The following CABLES1 variants were observed in gnomAD, a reference collection of about 807,000 sequenced individuals.
The protein encoded by CABLES1 is Cdk5 and Abl enzyme substrate 1.
A neutral mutation model predicts 57.8 loss-of-function variants in CABLES1; 36 were observed. The ratio of observed to expected loss-of-function variants is 0.62; its 90% CI spans 0.48 to 0.82. The LOEUF (loss-of-function observed/expected upper bound fraction) is 0.82. CABLES1 is among the 40% of genes least tolerant of loss of function. CABLES1 has a pLI of 0.00. For missense variants in CABLES1, 767 were observed against 836.6 expected, an observed-to-expected ratio of 0.92 and a Z score of 1.03; for synonymous variants, 374 against 363.0, an observed-to-expected ratio of 1.03 and a Z score of -0.35.
Position 23,137,110 on chromosome 18 carries a change from G to T in CABLES1, c.845+503G>T, listed in dbSNP as rs559687376. ...GCTCCAAGTCTTCTTGCGGCCCGGG[G>T]AAACTTGGCTTTTTCCATTTGCTTT... On this transcript the variant is annotated intron_variant, in intron 1 of 9. Coordinates refer to ENST00000256925, the MANE Select transcript of CABLES1 (RefSeq NM_001100619.3). Among the ~76,000 whole-genome samples the T allele has an allele frequency of 4.6e-5, 7 of 152,370 alleles. No individual in the cohort carries two copies. In the South Asian group the frequency reaches 1.5e-3, roughly 32 times the overall value.
At chr18:23,151,844 A>G (rs553765848) in intron 1 of CABLES1, among the ~76,000 whole-genome samples, 1 of 152,328 alleles carries the variant, frequency 6.6e-6, no homozygotes, top group African/African-American at 2.4e-5. Context: ...CAGGAGGAGC[A>G]GCGGGTTTGA....
chr18:23,140,869 G>A (rs1479465445), intron 1 of CABLES1, among the ~76,000 whole-genome samples: 1 of 152,210 alleles, frequency 6.6e-6, no homozygotes, highest in African/African-American at 2.4e-5. Flanking sequence ...TGTGACAGCC[G>A]TTTGACCCCG....
chr18:23,193,376 G>T (rs1317073727), intron 2 of CABLES1, among the ~76,000 whole-genome samples: 8 of 152,090 alleles, frequency 5.3e-5, no homozygotes, highest in Non-Finnish European at 1.0e-4. Context: ...ATTTTTAGTA[G>T]AGACGGGGTT....
intron 1 of CABLES1, among the ~76,000 whole-genome samples, chr18:23,148,920 GCT>G (rs775013678): frequency 5.3e-5 from 8 of 152,232 alleles, no homozygotes; most frequent in Admixed American, 2.6e-4. Flanking sequence ...ATGGAGTCTT[GCT>G]CTCTCTGCCC....
chr18:23,194,589 G>C (rs1388402574), intron 3 of CABLES1, 49 bp downstream of exon 3: 2 of 1,247,388 alleles, frequency 1.6e-6, no homozygotes, highest in East Asian at 2.3e-5. Flanking sequence ...GGTGGAGACA[G>C]GGACTGGAGG....
intron 2 of CABLES1, among the ~76,000 whole-genome samples, chr18:23,193,529 G>C (rs2047260952): frequency 6.6e-6 from 1 of 152,164 alleles, no homozygotes; most frequent in Non-Finnish European, 1.5e-5. Flanking sequence ...CAGGTCACAG[G>C]CACCCATGTC....
At chr18:23,227,799 T>G (rs1321051857) in intron 4 of CABLES1, among the ~76,000 whole-genome samples, 1 of 152,252 alleles carries the variant, frequency 6.6e-6, no homozygotes, top group Non-Finnish European at 1.5e-5. Flanking sequence ...AGGCTTTGCT[T>G]TAGGTGCAGG....
chr18:23,218,255 C>G (rs1236846564), intron 4 of CABLES1, among the ~76,000 whole-genome samples: 1 of 150,996 alleles, frequency 6.6e-6, no homozygotes, highest in African/African-American at 2.5e-5. Flanking sequence ...AGCCCTGCCT[C>G]CCACATCCTC....
intron 7 of CABLES1, among the ~76,000 whole-genome samples, chr18:23,252,462 C>T (rs1270039907): frequency 6.6e-6 from 1 of 152,216 alleles, no homozygotes. Context: ...CTGTACAGGG[C>T]ACTTCTCATA....
In CABLES1 at chr18:23,235,972, T is replaced by C; in HGVS notation, c.1263T>C (p.Ser421=). The C allele has an allele frequency of 6.2e-7, 1 of 1,614,238 alleles. No homozygotes were observed. Among genetic ancestry groups the C allele is most frequent in the South Asian group, 1.1e-5 (1 of 91,092 alleles). The change falls in exon 6 of 10, where the codon TCT becomes TCC. Residue 421 remains serine, a synonymous_variant. Transcript: ENST00000256925. ...GAAATACCATAGACTCCACCTCCTCTTTCTCCCAGTTCCGTAACCTGAGCC... is the reference window on the plus strand; with the variant it reads ...GAAATACCATAGACTCCACCTCCTCCTTCTCCCAGTTCCGTAACCTGAGCC... ...ARRNTIDSTS[S]FSQFRNLSHR... is the part of the protein sequence containing the mutation.
intron 4 of CABLES1, among the ~76,000 whole-genome samples, chr18:23,222,940 C>T (rs940823942): frequency 3.3e-5 from 5 of 152,214 alleles, no homozygotes; most frequent in Non-Finnish European, 7.3e-5. Flanking sequence ...CAGCGAGGCC[C>T]CTCCCACCCA....
chr18:23,138,698 C>T (rs1044518848), intron 1 of CABLES1, among the ~76,000 whole-genome samples: 4 of 152,314 alleles, frequency 2.6e-5, no homozygotes, highest in Admixed American at 2.0e-4. Flanking sequence ...GAATAAGGCC[C>T]GAGGCCAGCT....
chr18:23,238,113 C>T (rs981810559), intron 7 of CABLES1, among the ~76,000 whole-genome samples: 2 of 152,260 alleles, frequency 1.3e-5, no homozygotes, highest in African/African-American at 4.8e-5. Context: ...TCCCTCCCTC[C>T]TGTGCTCCCA....
chr18:23,257,493 G>T lies in CABLES1; in HGVS notation c.*126G>T. 2 of 1,123,868 alleles carry T rather than the reference G, an allele frequency of 1.8e-6. No homozygotes were observed. The highest frequency in any genetic ancestry group is 3.5e-5 in the South Asian group (2 of 56,652). 69.6% of individuals were successfully genotyped at this position (1,123,868 alleles called of 1,614,324 possible). Reference sequence around the variant, plus strand: ...ACTTTTCTTCCTCTCGACATAGTTTGGGGAGAAGCAGTACTAGAAACTTTC... The same window carrying T: ...ACTTTTCTTCCTCTCGACATAGTTTTGGGAGAAGCAGTACTAGAAACTTTC... On this transcript the variant is annotated 3_prime_UTR_variant, in exon 10 of 10. Coordinates refer to ENST00000256925, the MANE Select transcript of CABLES1 (RefSeq NM_001100619.3).
At chr18:23,232,941 C>T (rs770842536) in intron 4 of CABLES1, among the ~76,000 whole-genome samples, 2 of 152,168 alleles carry the variant, frequency 1.3e-5, no homozygotes, top group Non-Finnish European at 2.9e-5. Context: ...GCTCCCTCCT[C>T]TCTTCTTACC....
intron 7 of CABLES1, among the ~76,000 whole-genome samples, chr18:23,249,319 G>A (rs2047981434): frequency 6.6e-6 from 1 of 152,258 alleles, no homozygotes; most frequent in Non-Finnish European, 1.5e-5. Flanking sequence ...TAATAGAGTA[G>A]AATGGAGGCG....
At chr18:23,222,301 C>T (rs921301262) in intron 4 of CABLES1, among the ~76,000 whole-genome samples, 3 of 152,056 alleles carry the variant, frequency 2.0e-5, no homozygotes, top group Admixed American at 6.5e-5. Context: ...TCCCCCACCC[C>T]CAGCTCCACT....
At chr18:23,140,922 T>C (rs1181753534) in intron 1 of CABLES1, among the ~76,000 whole-genome samples, 1 of 152,228 alleles carries the variant, frequency 6.6e-6, no homozygotes, top group Non-Finnish European at 1.5e-5. Flanking sequence ...CCTGAGAACC[T>C]TGGCTTGTGT....
At chr18:23,164,023 T>C (rs567167646) in intron 1 of CABLES1, among the ~76,000 whole-genome samples, 5 of 152,232 alleles carry the variant, frequency 3.3e-5, no homozygotes, top group Admixed American at 6.5e-5. Flanking sequence ...TGAGAACTTA[T>C]GTGGGTTCCA....
Sources: allele counts gnomAD v4.1 joint callset (sites outside exome capture counted in the v4.1 genomes callset), GRCh38; gene constraint gnomAD v4.1.1; transcripts MANE v1.5; gene names NCBI Gene and HGNC (gene_info 2026-07-23, HGNC 2026-07-21).